Variants in TP63 observed in about 807,000 individuals in gnomAD.
The protein encoded by TP63 is tumor protein 63.
A neutral mutation model predicts 82.8 loss-of-function variants in TP63; 17 were observed. The observed-to-expected ratio is 0.21, with a 90% CI of 0.14 to 0.31. The LOEUF (loss-of-function observed/expected upper bound fraction) is 0.31. Ranked by LOEUF, TP63 falls within the 10% of genes least tolerant of loss-of-function variation. The probability of loss-of-function intolerance (pLI) is 1.00; values close to 1 mark genes in which losing one functional copy is unlikely to be tolerated. For missense variants in TP63, 648 were observed against 895.3 expected (o/e 0.72, Z 3.52); for synonymous variants, 330 against 321.7 (o/e 1.03, Z -0.28).
chr3:189,772,449 C>T (rs920211622), intron 3 of TP63, among the ~76,000 whole-genome samples: 12 of 152,200 alleles, frequency 7.9e-5, no homozygotes, highest in South Asian at 4.1e-4. Flanking sequence ...TCTCTTGAAA[C>T]TAGCTCTGTA....
intron 11 of TP63, among the ~76,000 whole-genome samples, chr3:189,886,975 G>A (rs938678234): frequency 3.9e-5 from 6 of 152,052 alleles, no homozygotes; most frequent in Non-Finnish European, 4.4e-5. Context: ...TTGGGAGGCC[G>A]AGGCGGGAGG....
intron 3 of TP63, among the ~76,000 whole-genome samples, chr3:189,806,786 A>G (rs772590639): frequency 6.6e-6 from 1 of 152,240 alleles, no homozygotes; most frequent in East Asian, 1.9e-4. Context: ...ATGCGAATGC[A>G]TGAATGTAAT....
At chr3:189,834,043 G>A (rs1712757022) in intron 4 of TP63, among the ~76,000 whole-genome samples, 1 of 152,158 alleles carries the variant, frequency 6.6e-6, no homozygotes, top group Non-Finnish European at 1.5e-5. Flanking sequence ...CATTTGTGTT[G>A]CAGATAAACC....
chr3:189,841,159 G>A (rs1560244457), intron 4 of TP63, among the ~76,000 whole-genome samples: 1 of 152,132 alleles, frequency 6.6e-6, no homozygotes, highest in Non-Finnish European at 1.5e-5. Flanking sequence ...CATATAGTAT[G>A]TGCCTTATGT....
chr3:189,758,404 A>C (rs1003763142), intron 3 of TP63, among the ~76,000 whole-genome samples: 7 of 152,236 alleles, frequency 4.6e-5, no homozygotes, highest in Admixed American at 4.6e-4. Flanking sequence ...ATACAACTCG[A>C]GTAAACACAT....
At chr3:189,872,818 G>A in intron 9 of TP63, 41 bp from the exon 10 acceptor site, 1 of 1,613,834 alleles carries the variant, frequency 6.2e-7, no homozygotes, top group Middle Eastern at 1.7e-4. Context: ...CAGTTCTACA[G>A]CTTTTCATGT....
chr3:189,650,308 C>A (rs8179917), intron 1 of TP63, among the ~76,000 whole-genome samples: 47,185 of 146,362 alleles, frequency 0.32, 11,521 homozygotes, highest in East Asian at 0.48. Flanking sequence ...GAAAACCAAT[C>A]AATGCATTAC....
At chr3:189,803,681 A>G (rs1726561898) in intron 3 of TP63, among the ~76,000 whole-genome samples, 1 of 152,212 alleles carries the variant, frequency 6.6e-6, no homozygotes, top group African/African-American at 2.4e-5. Context: ...TTCTGTGATC[A>G]GATCAGCTAG....
intron 4 of TP63, among the ~76,000 whole-genome samples, chr3:189,814,525 T>C (rs1348977620): frequency 6.6e-6 from 1 of 152,210 alleles, no homozygotes; most frequent in Non-Finnish European, 1.5e-5. Context: ...GAGATGTGTA[T>C]CAGGTGCCTT....
Position 189,825,587 on chromosome 3 carries a change from C to T in TP63, c.579+17061C>T, listed in dbSNP as rs554824211. Among the ~76,000 whole-genome samples, 25 of 152,204 alleles carry T rather than the reference C, an allele frequency of 1.6e-4. No individual in the cohort carries two copies. In the South Asian group the frequency reaches 2.1e-3, roughly 13 times the overall value. On this transcript the variant is annotated intron_variant, in intron 4 of 13. Transcript: ENST00000264731. ...ATAAAATAACAGAATTGGGGATGGA[C>T]GTCAATAAGAAAGAATAAGCTTAAA...
intron 1 of TP63, among the ~76,000 whole-genome samples, chr3:189,718,877 CA>C (rs1560132417): frequency 6.6e-6 from 1 of 151,520 alleles, no homozygotes. Context: ...AAAACAAAAA[CA>C]AAAAAACAAT....
At chr3:189,831,985 C>T (rs888841410) in intron 4 of TP63, among the ~76,000 whole-genome samples, 5 of 151,758 alleles carry the variant, frequency 3.3e-5, no homozygotes, top group Non-Finnish European at 7.4e-5. Flanking sequence ...GCATGCACCA[C>T]CACTCCCGCC....
At chr3:189,763,501 A>G (rs1722731696) in intron 3 of TP63, among the ~76,000 whole-genome samples, 1 of 152,224 alleles carries the variant, frequency 6.6e-6, no homozygotes, top group Non-Finnish European at 1.5e-5. Flanking sequence ...TTAGTTTGTT[A>G]TGGACAGGAG....
intron 3 of TP63, among the ~76,000 whole-genome samples, chr3:189,780,641 A>C (rs147579852): frequency 6.6e-6 from 1 of 152,188 alleles, no homozygotes; most frequent in Non-Finnish European, 1.5e-5. Context: ...TACACCCCAC[A>C]CTTAGAGTGA....
At chr3:189,773,525 T>C (rs946210632) in intron 3 of TP63, among the ~76,000 whole-genome samples, 2 of 152,226 alleles carry the variant, frequency 1.3e-5, no homozygotes, top group Non-Finnish European at 2.9e-5. Context: ...CCAAAATTGT[T>C]TCCTTTTAGC....
chr3:189,828,228 G>A lies in TP63; in HGVS notation c.579+19702G>A, dbSNP rs192515909. On this transcript the variant is annotated intron_variant, in intron 4 of 13. Transcript: ENST00000264731. ...TGTGCTCCAGCCTGGGCAACAGAGC[G>A]AGACTCCATCTCAAAACAAGCAAAA... Among the ~76,000 whole-genome samples the A allele has an allele frequency of 3.3e-4, 49 of 149,892 alleles. No homozygotes were observed. The East Asian group carries it at 8.6e-3, about 26-fold the overall frequency.
intron 4 of TP63, among the ~76,000 whole-genome samples, chr3:189,824,052 C>T (rs957852636): frequency 1.3e-5 from 2 of 152,070 alleles, no homozygotes. Flanking sequence ...TTGATCGTTT[C>T]AAGAGGATCC....
chr3:189,847,032 C>T (rs545908399), intron 4 of TP63, among the ~76,000 whole-genome samples: 5 of 152,122 alleles, frequency 3.3e-5, no homozygotes, highest in Non-Finnish European at 5.9e-5. Flanking sequence ...CTGGTAACTG[C>T]GTTCTCTAAG....
chr3:189,705,056 TA>T (rs1479333419), intron 1 of TP63, among the ~76,000 whole-genome samples: 2 of 152,250 alleles, frequency 1.3e-5, no homozygotes, highest in African/African-American at 4.8e-5. Flanking sequence ...TTTTCTTCAA[TA>T]TTTTTTACCT....
Sources: gnomAD v4.1 joint callset for allele counts (sites outside exome capture counted in the v4.1 genomes callset) on GRCh38, gnomAD v4.1.1 for gene constraint, MANE v1.5 for transcripts, NCBI Gene and HGNC (gene_info 2026-07-23, HGNC 2026-07-21) for gene names.